The following IGF1R variants were observed in gnomAD, a reference collection of about 807,000 sequenced individuals.
The protein encoded by IGF1R is insulin like growth factor 1 receptor.
In IGF1R, 44 loss-of-function variants were observed where a neutral mutation model predicts 144.6. The ratio of observed to expected loss-of-function variants is 0.30; its 90% CI spans 0.24 to 0.39. The LOEUF (loss-of-function observed/expected upper bound fraction) is 0.39. Among genes scored for constraint, IGF1R ranks in the 10% least tolerant of loss-of-function variants. The pLI is 1.00. For missense variants in IGF1R, 1,355 were observed against 1,833.7 expected (o/e 0.74, Z 4.77); for synonymous variants, 795 against 722.8 (o/e 1.10, Z -1.60).
rs535104229 is a variant in IGF1R at position 98,723,435 on chromosome 15, C to T, written c.640+15328C>T. Among the ~76,000 whole-genome samples the T allele has an allele frequency of 3.3e-5, 5 of 152,126 alleles. No individual in the cohort carries two copies. The South Asian group carries it at 6.3e-4, about 19-fold the overall frequency. On this transcript the variant is annotated intron_variant, in intron 2 of 20. Transcript: ENST00000650285. Reference sequence around the variant, plus strand: ...AGGATTTGTGGCAAAGAAGATCTGCCGAAACAAATAAGTCATGTAAATGGG... The same window carrying T: ...AGGATTTGTGGCAAAGAAGATCTGCTGAAACAAATAAGTCATGTAAATGGG...
intron 2 of IGF1R, among the ~76,000 whole-genome samples, chr15:98,868,923 T>C (rs1286834834): frequency 6.6e-6 from 1 of 152,152 alleles, no homozygotes; most frequent in African/African-American, 2.4e-5. Context: ...TTAAAAAGTT[T>C]TTGGTCTGCC....
intron 2 of IGF1R, among the ~76,000 whole-genome samples, chr15:98,741,349 T>TG (rs2054739484): frequency 6.6e-6 from 1 of 150,688 alleles, no homozygotes; most frequent in African/African-American, 2.5e-5. Context: ...CGTATAGAAG[T>TG]GGCTTTCTTT....
intron 2 of IGF1R, among the ~76,000 whole-genome samples, chr15:98,756,662 A>T (rs2055164131): frequency 6.6e-6 from 1 of 151,852 alleles, no homozygotes; most frequent in Admixed American, 6.6e-5. Flanking sequence ...ATTTTTATTC[A>T]CTTTTTCCAT....
intron 2 of IGF1R, among the ~76,000 whole-genome samples, chr15:98,760,154 A>T (rs987337821): frequency 2.0e-5 from 3 of 151,816 alleles, no homozygotes; most frequent in African/African-American, 7.3e-5. Context: ...ATCCTGGCCA[A>T]CATGGTGAAA....
intron 1 of IGF1R, among the ~76,000 whole-genome samples, chr15:98,700,909 G>A (rs760664347): frequency 4.0e-5 from 6 of 151,740 alleles, no homozygotes; most frequent in South Asian, 2.1e-4. Context: ...TGTCTATTGC[G>A]CTATTAAAAC....
Position 98,960,969 on chromosome 15 carries a change from C to T in IGF1R, c.*3527C>T, listed in dbSNP as rs916043319. On this transcript the variant is annotated 3_prime_UTR_variant, in exon 21 of 21. Coordinates refer to ENST00000650285, the MANE Select transcript of IGF1R (RefSeq NM_000875.5). ...TGCTGCTCACAGGACAGACGGCTCGCTCCCCTCTTCCAGCAGCTGCTCTTA... is the reference window on the plus strand; with the variant it reads ...TGCTGCTCACAGGACAGACGGCTCGTTCCCCTCTTCCAGCAGCTGCTCTTA... 4.3e-6 allele frequency: 1 copy of T among 233,706 alleles called. No homozygotes were observed. Among genetic ancestry groups the T allele is most frequent in the Non-Finnish European group, 8.5e-6 (1 of 118,144 alleles). The allele number at this position is 233,706 out of a possible 1,614,324, so 14.5% of individuals were successfully genotyped here.
At chr15:98,849,297 A>G (rs1468022719) in intron 2 of IGF1R, among the ~76,000 whole-genome samples, 2 of 152,220 alleles carry the variant, frequency 1.3e-5, no homozygotes, top group Non-Finnish European at 2.9e-5. Flanking sequence ...GACTAAGATA[A>G]ACTCTTGATT....
intron 2 of IGF1R, among the ~76,000 whole-genome samples, chr15:98,881,868 G>C (rs1026587659): frequency 1.1e-4 from 16 of 152,170 alleles, no homozygotes; most frequent in Admixed American, 9.8e-4. Context: ...TTAATGTGTT[G>C]TAAGGCGCAT....
At chr15:98,778,630 C>T (rs992363208) in intron 2 of IGF1R, among the ~76,000 whole-genome samples, 3 of 152,220 alleles carry the variant, frequency 2.0e-5, no homozygotes, top group African/African-American at 7.2e-5. Context: ...TCCTGATTTC[C>T]CCTCCCTTGG....
At chr15:98,918,322 C>G (rs1366293193) in intron 10 of IGF1R, among the ~76,000 whole-genome samples, 1 of 152,188 alleles carries the variant, frequency 6.6e-6, no homozygotes, top group African/African-American at 2.4e-5. Context: ...TGAGAGGAGC[C>G]TGTAGCGGCT....
Position 98,935,121 on chromosome 15 carries a change from T to C in IGF1R, c.3186+68T>C. ...AGGGTATCACACAAGCCTCCCAGTA[T>C]GTTCTTGGCTGCATGTACCCGTGGG... On this transcript the variant is annotated intron_variant, in intron 16 of 20. Transcript: ENST00000650285. This position sits in a 1 kb window ranked among gnomAD's most constrained non-coding sequence, Gnocchi z 4.2. 7.6e-7 allele frequency: 1 copy of C among 1,321,110 alleles called. No individual in the cohort carries two copies. The highest frequency in any genetic ancestry group is 1.8e-5 in the Admixed American group (1 of 56,580). The allele number at this position is 1,321,110 out of a possible 1,614,324, so 81.8% of individuals were successfully genotyped here. A position where few individuals can be genotyped will look rare whatever the true frequency, so the allele number is the denominator to read the frequency against.
intron 2 of IGF1R, among the ~76,000 whole-genome samples, chr15:98,712,707 T>A (rs1402994837): frequency 1.3e-5 from 2 of 151,690 alleles, no homozygotes; most frequent in Non-Finnish European, 2.9e-5. Context: ...GCTCCCAGGT[T>A]CAAGTGATTC....
chr15:98,696,272 T>TA (rs2141240841), intron 1 of IGF1R, among the ~76,000 whole-genome samples: 1 of 152,328 alleles, frequency 6.6e-6, no homozygotes, highest in South Asian at 2.1e-4. Flanking sequence ...TTGAATTAGA[T>TA]AAACATTTTA....
chr15:98,750,483 G>GT lies in IGF1R; in HGVS notation c.640+42377dup, dbSNP rs2054983254. ...CCACAGTCCAAATCTTCTGAGCCTA[G>GT]TATGGTATTCTGTCATCCTTGGTTT... On this transcript the variant is annotated intron_variant, in intron 2 of 20. Coordinates refer to ENST00000650285, the MANE Select transcript of IGF1R (RefSeq NM_000875.5). Among the ~76,000 whole-genome samples, 3 of 152,296 alleles carry GT rather than the reference G, an allele frequency of 2.0e-5. 1 individual carries two copies. In the South Asian group the frequency reaches 6.2e-4, roughly 32 times the overall value.
At chr15:98,930,779 C>A (rs979330488) in intron 15 of IGF1R, among the ~76,000 whole-genome samples, 4 of 151,984 alleles carry the variant, frequency 2.6e-5, no homozygotes, top group Non-Finnish European at 5.9e-5. Context: ...TCCCTTCCGA[C>A]TAGGGTCATA....
intron 2 of IGF1R, among the ~76,000 whole-genome samples, chr15:98,802,826 T>A (rs569235057): frequency 6.6e-6 from 1 of 152,342 alleles, no homozygotes; most frequent in East Asian, 1.9e-4. Context: ...TTCCTTTATC[T>A]TACTTTTCCT....
At chr15:98,665,487 C>T (rs746307842) in intron 1 of IGF1R, among the ~76,000 whole-genome samples, 2 of 152,104 alleles carry the variant, frequency 1.3e-5, no homozygotes, top group Non-Finnish European at 2.9e-5. Context: ...TCAGTCTCTT[C>T]CTTCTTCAAG....
At chr15:98,740,949 A>T (rs2054724771) in intron 2 of IGF1R, among the ~76,000 whole-genome samples, 1 of 152,236 alleles carries the variant, frequency 6.6e-6, no homozygotes, top group African/African-American at 2.4e-5. Context: ...TTCCTCAAGG[A>T]TAGCTTTGCT....
At chr15:98,680,958 C>A (rs775007772) in intron 1 of IGF1R, among the ~76,000 whole-genome samples, 1 of 151,124 alleles carries the variant, frequency 6.6e-6, no homozygotes, top group Admixed American at 6.6e-5. Context: ...CATGGTGTTA[C>A]AACTGCCTGC....
Sources: gnomAD v4.1 joint callset for allele counts (sites outside exome capture counted in the v4.1 genomes callset) on GRCh38, gnomAD v4.1.1 for gene constraint, Gnocchi (gnomAD v3.1) non-coding constraint, MANE v1.5 for transcripts, NCBI Gene and HGNC (gene_info 2026-07-23, HGNC 2026-07-21) for gene names.